The following MKRN2OS variants were observed in gnomAD, a reference collection of about 807,000 sequenced individuals.
MKRN2OS encodes MKRN2 opposite strand protein.
MKRN2OS carries 17 observed loss-of-function variants against 18.2 expected under a neutral mutation model. That is an observed-to-expected ratio of 0.93 (90% CI 0.64 to 1.40). The LOEUF is 1.40. MKRN2OS is among the 40% of genes most tolerant of loss of function. The pLI, the probability that MKRN2OS is intolerant of heterozygous loss-of-function variation, is 0.00. For missense variants in MKRN2OS, 337 were observed against 283.0 expected (o/e 1.19, Z -1.37); for synonymous variants, 121 against 108.5 (o/e 1.12, Z -0.72).
chr3:12,545,970 C>T (rs1382946282), upstream of MKRN2OS, among the ~76,000 whole-genome samples: 1 of 152,148 alleles, frequency 6.6e-6, no homozygotes, highest in Non-Finnish European at 1.5e-5. Flanking sequence ...CTATACCCAA[C>T]TAATTGTTGT....
Position 12,539,990 on chromosome 3 carries a change from G to A in MKRN2OS, c.*203C>T. 2 of 620,124 alleles carry A rather than the reference G, an allele frequency of 3.2e-6. No individual in the cohort carries two copies. Among genetic ancestry groups the A allele is most frequent in the Non-Finnish European group, 2.8e-6 (1 of 363,570 alleles). The allele number at this position is 620,124 out of a possible 1,614,324, so 38.4% of individuals were successfully genotyped here. A position where few individuals can be genotyped will look rare whatever the true frequency, so the allele number is the denominator to read the frequency against. On this transcript the variant is annotated 3_prime_UTR_variant, in exon 4 of 4. Coordinates refer to ENST00000564146, the MANE Select transcript of MKRN2OS (RefSeq NM_001195279.2). The stretch of plus-strand genomic sequence containing the variant: ...AGTAAGGACGGGGTTTCTCCATGTT[G>A]GTCAGGCTGGTCTCAAACTCCCAAC...
chr3:12,558,171 T>C (rs1170909095), intron 1 of MKRN2OS, among the ~76,000 whole-genome samples: 1 of 152,256 alleles, frequency 6.6e-6, no homozygotes, highest in African/African-American at 2.4e-5. Context: ...TTGGTATGAA[T>C]AGTTGAGACG....
chr3:12,545,915 C>T (rs2125291956), upstream of MKRN2OS, among the ~76,000 whole-genome samples: 1 of 152,278 alleles, frequency 6.6e-6, no homozygotes, highest in South Asian at 2.1e-4. Flanking sequence ...AAGTGATTCT[C>T]CCCACTCAGC....
Position 12,545,337 on chromosome 3 carries a change from T to G in MKRN2OS, c.128A>C (p.Asp43Ala). Residue 43 changes from aspartate (D) to alanine (A), a missense_variant, in exon 1 of 4, where the codon GAC becomes GCC. Transcript: ENST00000564146. The stretch of plus-strand genomic sequence containing the variant: ...TGGATTAGCGATGCTAACAGGTGCG[T>G]CCTCCAGCTTCCTCGAGCCCAGGTC... ...QQDLGSRKLE[D>A]APVSIANPFT... The G allele has an allele frequency of 6.5e-7, 1 of 1,536,126 alleles. No individual in the cohort carries two copies. Among genetic ancestry groups the G allele is most frequent in the Admixed American group, 2.0e-5 (1 of 51,002 alleles).
At chr3:12,543,048 C>G in intron 2 of MKRN2OS, 132 bp downstream of exon 2, 1 of 620,042 alleles carries the variant, frequency 1.6e-6, no homozygotes. Context: ...CAATGCCTAC[C>G]TCATGGTGCA....
Position 12,545,460 on chromosome 3 carries a change from T to A in MKRN2OS, c.5A>T (p.His2Leu). 6.6e-7 allele frequency: 1 copy of A among 1,516,710 alleles called. No homozygotes were observed. Among genetic ancestry groups the A allele is most frequent in the Non-Finnish European group, 8.8e-7 (1 of 1,136,374 alleles). 94.0% of individuals were successfully genotyped at this position (1,516,710 alleles called of 1,614,324 possible). The change falls in exon 1 of 4, where the codon CAC (histidine) becomes CTC (leucine). Residue 2 changes from histidine (H) to leucine (L), a missense_variant. By Grantham distance (99) the His-to-Leu change is moderately conservative. Coordinates refer to ENST00000564146, the MANE Select transcript of MKRN2OS (RefSeq NM_001195279.2). M[H>L]CAEAGKALIK... ...TAAAGCCTTCCCAGCCTCTGCGCAG[T>A]GCATAGCTTTCGCCTCCTGGAATGC...
chr3:12,554,503 TA>T (rs1312850621), intron 1 of MKRN2OS, among the ~76,000 whole-genome samples: 1 of 149,890 alleles, frequency 6.7e-6, no homozygotes, highest in Non-Finnish European at 1.5e-5. Flanking sequence ...ATATGAAATA[TA>T]AAAATATATA....
At chr3:12,557,425 T>C (rs2057987046) in intron 1 of MKRN2OS, among the ~76,000 whole-genome samples, 1 of 152,210 alleles carries the variant, frequency 6.6e-6, no homozygotes, top group Non-Finnish European at 1.5e-5. Flanking sequence ...GCGTGGCCCC[T>C]GTGGGCTGGG....
chr3:12,542,019 A>G lies in MKRN2OS; in HGVS notation c.272T>C (p.Val91Ala), dbSNP rs1335097637. The change falls in exon 3 of 4, where the codon GTT becomes GCT. Residue 91 changes from valine (V) to alanine (A), a missense_variant. By Grantham distance (64) the Val-to-Ala change is moderately conservative. Coordinates refer to ENST00000564146, the MANE Select transcript of MKRN2OS (RefSeq NM_001195279.2). ...LHVGITNTNGVVYNYSAHGVQ... is the reference protein window; with the variant it reads ...LHVGITNTNGAVYNYSAHGVQ... ...ACCATGTGCACTGTAATTATACACA[A>G]CCCCTGCAAATCAAAACCAAAGTCA... 3.9e-6 allele frequency: 6 copies of G among 1,533,032 alleles called. No individual in the cohort carries two copies. Among genetic ancestry groups the G allele is most frequent in the South Asian group, 1.2e-5 (1 of 83,676 alleles). The allele number at this position is 1,533,032 out of a possible 1,614,324, so 95.0% of individuals were successfully genotyped here.
intron 1 of MKRN2OS, among the ~76,000 whole-genome samples, chr3:12,544,927 G>A (rs1003712487): frequency 3.3e-5 from 5 of 152,190 alleles, no homozygotes; most frequent in South Asian, 4.1e-4. Flanking sequence ...GACAGTAAAG[G>A]TATTATTTAG....
At chr3:12,557,789 C>T (rs2057993208) in intron 1 of MKRN2OS, among the ~76,000 whole-genome samples, 1 of 152,188 alleles carries the variant, frequency 6.6e-6, no homozygotes, top group Non-Finnish European at 1.5e-5. Context: ...GTTATTATTA[C>T]CATTTTACAG....
chr3:12,549,197 C>T (rs1464497085), upstream of MKRN2OS, among the ~76,000 whole-genome samples: 2 of 151,972 alleles, frequency 1.3e-5, no homozygotes, highest in African/African-American at 2.4e-5. Flanking sequence ...CCCACCTCGG[C>T]CTCCCAAAGT....
intron 1 of MKRN2OS, among the ~76,000 whole-genome samples, chr3:12,555,730 G>A (rs2057963533): frequency 6.6e-6 from 1 of 152,218 alleles, no homozygotes; most frequent in African/African-American, 2.4e-5. Flanking sequence ...AAGCCCTTCT[G>A]GGGTGTCGAT....
Position 12,556,447 on chromosome 3 carries a change from T to C in MKRN2OS, n.265-2313A>G, listed in dbSNP as rs553763081. On this transcript the variant is annotated intron_variant and non_coding_transcript_variant, in intron 1 of 1. Transcript: ENST00000447550. ...TGGAAAGGGGGCAGAAGAGGACGCA[T>C]TGGACAGAGGTGTGGGAGCAGAATC... 3.9e-5 allele frequency among the ~76,000 whole-genome samples: 6 copies of C among 152,114 alleles called. No individual in the cohort carries two copies. The East Asian group carries it at 7.7e-4, about 20-fold the overall frequency.
At chr3:12,557,216 A>G in intron 1 of MKRN2OS, 1 of 1,529,204 alleles carries the variant, frequency 6.5e-7, no homozygotes, top group Non-Finnish European at 8.8e-7. Context: ...CCGCTCCCCC[A>G]GGCCGCAGGG....
chr3:12,560,967 T>G (rs532601875), exon 1 of MKRN2OS: 11 of 152,256 alleles, frequency 7.2e-5, no homozygotes, highest in African/African-American at 2.6e-4. Context: ...TATAAGCACA[T>G]GACAGAGATG....
rs1484936854 is a variant in MKRN2OS, at chr3:12,545,489, G to A, written c.-25C>T. On this transcript the variant is annotated 5_prime_UTR_variant, in exon 1 of 4. Transcript: ENST00000564146. ...TAGCTTTCGCCTCCTGGAATGCTAGGGGAGGTTTCCGGAGACTTCCTTTTC... is the reference window on the plus strand; with the variant it reads ...TAGCTTTCGCCTCCTGGAATGCTAGAGGAGGTTTCCGGAGACTTCCTTTTC... 1.3e-6 allele frequency: 2 copies of A among 1,483,056 alleles called. No individual in the cohort carries two copies. The highest frequency in any genetic ancestry group is 1.3e-5 in the South Asian group (1 of 78,744). The allele number at this position is 1,483,056 out of a possible 1,614,324, so 91.9% of individuals were successfully genotyped here.
intron 2 of MKRN2OS, 31 bp downstream of exon 2, chr3:12,543,149 G>A (rs1374456042): frequency 6.6e-7 from 1 of 1,519,586 alleles, no homozygotes; most frequent in Non-Finnish European, 8.8e-7. Context: ...CTGGGTAGTA[G>A]GGGTTTTTTA....
downstream of MKRN2OS, among the ~76,000 whole-genome samples, chr3:12,553,236 G>A (rs2057942490): frequency 6.6e-6 from 1 of 152,020 alleles, no homozygotes. Context: ...GAACACTACA[G>A]ACTAATATCT....
Sources: gnomAD v4.1 joint callset for allele counts (sites outside exome capture counted in the v4.1 genomes callset) on GRCh38, gnomAD v4.1.1 for gene constraint, MANE v1.5 for transcripts, NCBI Gene and HGNC (gene_info 2026-07-23, HGNC 2026-07-21) for gene names.